The following STARD13 variants were observed in gnomAD, a reference collection of about 807,000 sequenced individuals.
STARD13 encodes the protein StAR related lipid transfer domain containing 13.
STARD13 carries 62 observed loss-of-function variants against 106.4 expected under a neutral mutation model. That is an observed-to-expected ratio of 0.58 (90% CI 0.48 to 0.72). STARD13 has a LOEUF of 0.72. STARD13 is among the 30% of genes least tolerant of loss of function. The pLI is 0.00. For synonymous variants in STARD13, 565 were observed against 553.0 expected, an observed-to-expected ratio of 1.02 and a Z score of -0.31; for missense variants, 1,387 against 1,424.0, an observed-to-expected ratio of 0.97 and a Z score of 0.42.
chr13:33,532,593 C>CA, the STARD13 span, among the ~76,000 whole-genome samples: 1 of 152,102 alleles, frequency 6.6e-6, no homozygotes, highest in Admixed American at 6.5e-5. Flanking sequence ...AGTCTGAAAA[C>CA]ATTCTGTTTA....
the STARD13 span, among the ~76,000 whole-genome samples, chr13:33,460,270 G>A: frequency 5.3e-5 from 8 of 151,774 alleles, no homozygotes; most frequent in Admixed American, 6.6e-5. Context: ...GGCAGATCAC[G>A]AGGTCAGGAG....
At chr13:33,612,928 G>A in the STARD13 span, among the ~76,000 whole-genome samples, 8 of 152,188 alleles carry the variant, frequency 5.3e-5, no homozygotes, top group African/African-American at 1.9e-4. Flanking sequence ...GTTGCCTAAA[G>A]GCTCGTCTTC....
intron 1 of STARD13, among the ~76,000 whole-genome samples, chr13:33,273,224 C>T (rs1474253911): frequency 1.3e-5 from 2 of 152,190 alleles, no homozygotes; most frequent in East Asian, 1.9e-4. Flanking sequence ...TCATTGGACA[C>T]CTGTCTTCAA....
At chr13:33,510,519 A>C in the STARD13 span, among the ~76,000 whole-genome samples, 6 of 152,186 alleles carry the variant, frequency 3.9e-5, no homozygotes, top group African/African-American at 1.2e-4. Flanking sequence ...TATCATGGAA[A>C]CCTGGCCAAT....
intron 1 of STARD13, among the ~76,000 whole-genome samples, chr13:33,275,267 C>T (rs1406164266): frequency 6.6e-6 from 1 of 152,174 alleles, no homozygotes; most frequent in African/African-American, 2.4e-5. Context: ...TTATATATGT[C>T]TGCCATAATA....
upstream of STARD13, among the ~76,000 whole-genome samples, chr13:33,351,349 G>A (rs2078077513): frequency 6.6e-6 from 1 of 152,162 alleles, no homozygotes; most frequent in Admixed American, 6.5e-5. Context: ...GAATTTTAAG[G>A]TATTTTAGCC....
intron 1 of STARD13, among the ~76,000 whole-genome samples, chr13:33,195,657 T>C (rs978968076): frequency 6.6e-6 from 1 of 152,234 alleles, no homozygotes; most frequent in Non-Finnish European, 1.5e-5. Flanking sequence ...TCTTGAGATC[T>C]GAAAATTCAT....
At chr13:33,567,263 G>A in the STARD13 span, among the ~76,000 whole-genome samples, 3 of 148,334 alleles carry the variant, frequency 2.0e-5, no homozygotes, top group African/African-American at 7.4e-5. Context: ...AACTTACAAT[G>A]GCTGAATTTT....
At chr13:33,289,318 A>G (rs1892197225), upstream of STARD13, among the ~76,000 whole-genome samples, 1 of 152,228 alleles carries the variant, frequency 6.6e-6, no homozygotes, top group African/African-American at 2.4e-5. Context: ...AACCAAAGAC[A>G]GCAAAAGAGA....
chr13:33,482,020 A>T, the STARD13 span, among the ~76,000 whole-genome samples: 2,186 of 152,180 alleles, frequency 0.014, 57 homozygotes, highest in African/African-American at 0.047. Flanking sequence ...AAGAAATAGA[A>T]GCACTGACTG....
the STARD13 span, among the ~76,000 whole-genome samples, chr13:33,583,708 A>G: frequency 1.6e-4 from 25 of 152,336 alleles, no homozygotes; most frequent in South Asian, 5.2e-3. Flanking sequence ...GAACCATTGC[A>G]GTGAACTGTA....
the STARD13 span, among the ~76,000 whole-genome samples, chr13:33,604,630 T>G: frequency 2.1e-3 from 325 of 151,626 alleles, 1 homozygote; most frequent in African/African-American, 7.4e-3. Context: ...AACCCCGTCT[T>G]TACTAAAAAA....
At chr13:33,164,908 C>T (rs1460658468) in intron 3 of STARD13, among the ~76,000 whole-genome samples, 7 of 152,154 alleles carry the variant, frequency 4.6e-5, no homozygotes, top group South Asian at 2.1e-4. Flanking sequence ...TTGACACACT[C>T]GTAGTTTTTC....
At chr13:33,111,697 C>T (rs749023391) in intron 10 of STARD13, 81 bp downstream of exon 10, 6 of 852,822 alleles carry the variant, frequency 7.0e-6, no homozygotes, top group Non-Finnish European at 1.2e-5. Flanking sequence ...AGATAGAAAC[C>T]ATAAATGTAG....
At chr13:33,623,484 A>G in the STARD13 span, among the ~76,000 whole-genome samples, 1 of 151,174 alleles carries the variant, frequency 6.6e-6, no homozygotes, top group African/African-American at 2.4e-5. Flanking sequence ...GTCACAGACC[A>G]GAAGAAAATA....
At chr13:33,427,955 C>CAAAAAAAAAAA in the STARD13 span, among the ~76,000 whole-genome samples, 136 of 100,840 alleles carry the variant, frequency 1.3e-3, 2 homozygotes, top group African/African-American at 4.6e-3. Context: ...AACTCCGTCT[C>CAAAAAAAAAAA]AAAAAAAAAA....
At chr13:33,133,986 T>C (rs141804829) in intron 4 of STARD13, among the ~76,000 whole-genome samples, 2 of 152,216 alleles carry the variant, frequency 1.3e-5, no homozygotes, top group Admixed American at 6.5e-5. Flanking sequence ...TTTGTGATTA[T>C]TTAGAAATGT....
At position 33,126,061 on chromosome 13, in the gene STARD13, CG is replaced by C. The variant is rs528419020; in HGVS notation, c.2082+19del. ...ATGGTTGGGGGTGGTGGGGCAGCAG[CG>C]GGGGGGTTACAGCCCTACCTGATCG... On this transcript the variant is annotated intron_variant, in intron 7 of 13. Transcript: ENST00000336934. 391 of 1,609,390 alleles carry C rather than the reference CG, an allele frequency of 2.4e-4. 1 individual carries two copies. In the East Asian group the frequency reaches 4.6e-3, roughly 19 times the overall value.
the STARD13 span, among the ~76,000 whole-genome samples, chr13:33,533,516 T>C: frequency 6.6e-6 from 1 of 152,186 alleles, no homozygotes; most frequent in Admixed American, 6.5e-5. Flanking sequence ...AGAAGAAATA[T>C]TCCTTGCACA....
Sources: gnomAD v4.1 joint callset for allele counts (sites outside exome capture counted in the v4.1 genomes callset) on GRCh38, gnomAD v4.1.1 for gene constraint, MANE v1.5 for transcripts, NCBI Gene and HGNC (gene_info 2026-07-23, HGNC 2026-07-21) for gene names.